MCC: variants seen among roughly 807,000 people sequenced by gnomAD.
MCC encodes colorectal mutant cancer protein.
Under a neutral mutation model 116.2 loss-of-function variants are expected in MCC, and 90 were observed. The ratio of observed to expected loss-of-function variants is 0.77; its 90% CI spans 0.65 to 0.92. The LOEUF is 0.92. Ranked by LOEUF, MCC falls within the 40% of genes least tolerant of loss-of-function variation. The pLI, the probability that MCC is intolerant of heterozygous loss-of-function variation, is 0.00. For missense variants in MCC, 1,516 were observed against 1,312.2 expected (o/e 1.16, Z -2.40); for synonymous variants, 578 against 510.5 (o/e 1.13, Z -1.78).
intron 16 of MCC, among the ~76,000 whole-genome samples, chr5:113,047,807 C>T (rs1752197653): frequency 6.8e-6 from 1 of 146,956 alleles, no homozygotes; most frequent in Admixed American, 6.8e-5. Flanking sequence ...TTCTGAGATA[C>T]AGGATAATGG....
Position 113,103,222 on chromosome 5 carries a change from C to A in MCC, c.1191+970G>T, listed in dbSNP as rs546751980. On this transcript the variant is annotated intron_variant, in intron 7 of 18. Transcript: ENST00000408903. ...TCACTCTTGGATGCTCATGTTGGTT[C>A]TCAAATCTTGCTGCCACTTTTCCCA... 2.0e-5 allele frequency among the ~76,000 whole-genome samples: 3 copies of A among 152,316 alleles called. No individual in the cohort carries two copies. The South Asian group carries it at 6.2e-4, about 32-fold the overall frequency.
intron 8 of MCC, among the ~76,000 whole-genome samples, chr5:113,095,543 G>A (rs1299173423): frequency 3.3e-5 from 5 of 152,096 alleles, no homozygotes; most frequent in South Asian, 4.1e-4. Flanking sequence ...TTTAGAGACA[G>A]GGCCTTGCTA....
intron 3 of MCC, among the ~76,000 whole-genome samples, chr5:113,319,042 T>C (rs1303994633): frequency 2.0e-5 from 3 of 152,132 alleles, no homozygotes; most frequent in South Asian, 2.1e-4. Context: ...TAATTTCTTA[T>C]ACATTTTATA....
intron 1 of MCC, among the ~76,000 whole-genome samples, chr5:113,465,125 A>G (rs1225448164): frequency 6.6e-6 from 1 of 151,772 alleles, no homozygotes; most frequent in African/African-American, 2.4e-5. Flanking sequence ...GAGGGAGACA[A>G]TGAGGAAGGG....
chr5:113,293,784 T>C (rs1766601184), intron 3 of MCC, among the ~76,000 whole-genome samples: 1 of 152,082 alleles, frequency 6.6e-6, no homozygotes, highest in Non-Finnish European at 1.5e-5. Context: ...TTTGAAGTGC[T>C]TTCTCCCCAG....
At chr5:113,343,835 C>G (rs1768070028) in intron 2 of MCC, among the ~76,000 whole-genome samples, 1 of 152,118 alleles carries the variant, frequency 6.6e-6, no homozygotes, top group Non-Finnish European at 1.5e-5. Flanking sequence ...GCCTCATTCT[C>G]AAACAGGAAA....
In MCC at chr5:113,434,091, T is replaced by G; in HGVS notation, c.171-48879A>C. The G allele has an allele frequency of 1.2e-6, 2 of 1,614,102 alleles. No homozygotes were observed. The highest frequency in any genetic ancestry group is 1.7e-6 in the Non-Finnish European group (2 of 1,179,992). On this transcript the variant is annotated intron_variant, in intron 1 of 18. Coordinates refer to ENST00000408903, the MANE Select transcript of MCC (RefSeq NM_001085377.2). The surrounding 1 kb of genome is among the most constrained non-coding windows in gnomAD (Gnocchi z 4.2). ...GTTGACGTCGGGCTGCAGCATGTGGTAGATGAGGTCCTTGCACTCGCCTGT... is the reference window on the plus strand; with the variant it reads ...GTTGACGTCGGGCTGCAGCATGTGGGAGATGAGGTCCTTGCACTCGCCTGT...
intron 3 of MCC, among the ~76,000 whole-genome samples, chr5:113,325,908 C>T (rs2150372916): frequency 6.6e-6 from 1 of 152,220 alleles, no homozygotes; most frequent in South Asian, 2.1e-4. Flanking sequence ...CTTAATGTAT[C>T]TGAACTCTGG....
At chr5:113,432,757 A>T (rs891741887) in intron 1 of MCC, 28 of 152,242 alleles carry the variant, frequency 1.8e-4, no homozygotes, top group African/African-American at 6.5e-4. Context: ...AAAGTTGATA[A>T]GGAAAAAATA....
chr5:113,076,157 T>C (rs1288409810), intron 11 of MCC, among the ~76,000 whole-genome samples: 2 of 152,160 alleles, frequency 1.3e-5, no homozygotes, highest in African/African-American at 4.8e-5. Flanking sequence ...CACAGGACTA[T>C]GTGAAAAGAC....
intron 2 of MCC, among the ~76,000 whole-genome samples, chr5:113,376,582 C>CAA (rs1436458408): frequency 2.7e-4 from 41 of 151,812 alleles, no homozygotes; most frequent in East Asian, 1.7e-3. Context: ...TATACACACA[C>CAA]ACACACACAC....
chr5:113,413,091 T>C (rs1031596700), intron 1 of MCC, among the ~76,000 whole-genome samples: 3 of 152,214 alleles, frequency 2.0e-5, no homozygotes, highest in African/African-American at 7.2e-5. Context: ...TTGCGTACGT[T>C]GAACCAGCCT....
chr5:113,419,330 C>T (rs1325114796), intron 1 of MCC, among the ~76,000 whole-genome samples: 3 of 151,648 alleles, frequency 2.0e-5, no homozygotes, highest in Non-Finnish European at 1.5e-5. Context: ...GCCACAACAC[C>T]TAGCTAATTT....
intron 1 of MCC, among the ~76,000 whole-genome samples, chr5:113,421,682 C>G (rs1169276242): frequency 6.6e-6 from 1 of 152,184 alleles, no homozygotes; most frequent in African/African-American, 2.4e-5. Flanking sequence ...CTCTGTTCTA[C>G]CAGTTTTCAC....
intron 15 of MCC, among the ~76,000 whole-genome samples, chr5:113,052,593 T>C (rs999773710): frequency 6.6e-6 from 1 of 152,046 alleles, no homozygotes; most frequent in Non-Finnish European, 1.5e-5. Flanking sequence ...CCCCTGAGGG[T>C]GTCAGGATGG....
chr5:113,024,131 G>GACTT lies in MCC; in HGVS notation c.*3167_*3170dup, dbSNP rs1750362938. 3 of 151,906 alleles carry GACTT rather than the reference G, an allele frequency of 2.0e-5. No individual in the cohort carries two copies. The highest frequency in any genetic ancestry group is 6.5e-5 in the Admixed American group (1 of 15,274). 9.4% of individuals were successfully genotyped at this position (151,906 alleles called of 1,614,324 possible). ...TTTTGGAGTAGAATGTCAAGGCTCT[G>GACTT]ACTTAGAAGAGGTCCCTCTAAAATA... On this transcript the variant is annotated 3_prime_UTR_variant, in exon 19 of 19. Transcript: ENST00000408903.
intron 3 of MCC, among the ~76,000 whole-genome samples, chr5:113,177,410 C>T (rs1253658421): frequency 6.6e-6 from 1 of 152,212 alleles, no homozygotes; most frequent in Non-Finnish European, 1.5e-5. Flanking sequence ...CATTGTGTGC[C>T]TTGTGCAATG....
intron 3 of MCC, among the ~76,000 whole-genome samples, chr5:113,264,216 G>T (rs1765327299): frequency 6.6e-6 from 1 of 152,160 alleles, no homozygotes; most frequent in South Asian, 2.1e-4. Flanking sequence ...GCCAAAACTT[G>T]CATTGACGTT....
At chr5:113,119,765 C>T (rs186143894) in intron 6 of MCC, among the ~76,000 whole-genome samples, 65 of 152,202 alleles carry the variant, frequency 4.3e-4, no homozygotes, top group African/African-American at 1.5e-3. Flanking sequence ...GGGAAGGTCA[C>T]TCCCCTCCAG....
Sources: gnomAD v4.1 joint callset for allele counts (sites outside exome capture counted in the v4.1 genomes callset) on GRCh38, gnomAD v4.1.1 for gene constraint, Gnocchi (gnomAD v3.1) non-coding constraint, MANE v1.5 for transcripts, NCBI Gene and HGNC (gene_info 2026-07-23, HGNC 2026-07-21) for gene names.